CNOT2: variants seen among roughly 807,000 people sequenced by gnomAD.
CNOT2 encodes CCR4-NOT transcription complex subunit 2.
A neutral mutation model predicts 72.1 loss-of-function variants in CNOT2; 7 were observed. The observed-to-expected ratio is 0.10, with a 90% CI of 0.06 to 0.18. The LOEUF is 0.18. Ranked by LOEUF, CNOT2 falls within the 10% of genes least tolerant of loss-of-function variation. The probability of loss-of-function intolerance (pLI) is 1.00; values close to 1 mark genes in which losing one functional copy is unlikely to be tolerated. For missense variants in CNOT2, 345 were observed against 660.3 expected (o/e 0.52, Z 5.23); for synonymous variants, 196 against 225.6 (o/e 0.87, Z 1.17).
At chr12:70,285,806 TG>T (rs960580196) in intron 2 of CNOT2, among the ~76,000 whole-genome samples, 38 of 152,000 alleles carry the variant, frequency 2.5e-4, no homozygotes, top group African/African-American at 8.7e-4. Flanking sequence ...GACCTGAGAG[TG>T]GAGGCACCCA....
intron 7 of CNOT2, among the ~76,000 whole-genome samples, chr12:70,333,870 C>T (rs893206309): frequency 6.6e-6 from 1 of 151,872 alleles, no homozygotes; most frequent in Non-Finnish European, 1.5e-5. Context: ...TGAAATCAGG[C>T]TACATCTGCA....
intron 2 of CNOT2, chr12:70,285,704 A>G (rs1291268717): frequency 6.6e-6 from 1 of 152,152 alleles, no homozygotes; most frequent in African/African-American, 2.4e-5. Context: ...AAGTGTCCCC[A>G]TGAACCCCAA....
chr12:70,337,257 TGAAGTACGC>T, intron 8 of CNOT2, 123 bp from the exon 9 acceptor site: 1 of 622,176 alleles, frequency 1.6e-6, no homozygotes, highest in Non-Finnish European at 2.7e-6. Flanking sequence ...ACTAATTTTT[TGAAGTACGC>T]TTTCATAGCA....
intron 1 of CNOT2, among the ~76,000 whole-genome samples, chr12:70,261,337 C>T (rs1198340890): frequency 9.0e-5 from 5 of 55,684 alleles, no homozygotes; most frequent in African/African-American, 1.5e-4. Context: ...TTTTTTGAGA[C>T]GGAGTCTTGT....
chr12:70,314,251 T>C lies in CNOT2; in HGVS notation c.171+3234T>C, dbSNP rs143752551. Among the ~76,000 whole-genome samples the C allele has an allele frequency of 7.9e-5, 12 of 152,294 alleles. No individual in the cohort carries two copies. The East Asian group carries it at 2.3e-3, about 29-fold the overall frequency. Reference sequence around the variant, plus strand: ...TCTATTAGTTTTTGGTGATTGAGAATGTAAGCCCTGGAAATCCTACTATGT... The same window carrying C: ...TCTATTAGTTTTTGGTGATTGAGAACGTAAGCCCTGGAAATCCTACTATGT... On this transcript the variant is annotated intron_variant, in intron 3 of 15. Coordinates refer to ENST00000229195, the MANE Select transcript of CNOT2 (RefSeq NM_014515.7).
chr12:70,307,942 C>A (rs973200505), intron 2 of CNOT2: 3 of 151,644 alleles, frequency 2.0e-5, no homozygotes, highest in Non-Finnish European at 4.4e-5. Flanking sequence ...TAAGCTTCGC[C>A]TAAATCCTCT....
rs776536165 is a variant in CNOT2, at chr12:70,338,462, A to G, written c.920A>G (p.Lys307Arg). The change falls in exon 10 of 16, where the codon AAG becomes AGG. Residue 307 changes from lysine to arginine, a missense_variant. Physicochemically the swap from Lys to Arg is conservative, Grantham distance 26. Transcript: ENST00000229195. Reference protein sequence around the residue: ...DSKSNLNTSGKTTSSTDGPKF... With the variant: ...DSKSNLNTSGRTTSSTDGPKF... ...TGCTAGAATTTGAATACATCTGGCA[A>G]GACAACTTCAAGTACAGATGGACCC... 4 of 1,609,460 alleles carry G rather than the reference A, an allele frequency of 2.5e-6. No individual in the cohort carries two copies. Among genetic ancestry groups the G allele is most frequent in the Non-Finnish European group, 3.4e-6 (4 of 1,178,548 alleles).
chr12:70,253,725 A>G (rs1958269318), intron 1 of CNOT2, among the ~76,000 whole-genome samples: 1 of 152,178 alleles, frequency 6.6e-6, no homozygotes, highest in Non-Finnish European at 1.5e-5. Flanking sequence ...AGAGCATGTC[A>G]AAGTATCATG....
intron 2 of CNOT2, among the ~76,000 whole-genome samples, chr12:70,302,669 G>C (rs1254692363): frequency 6.6e-6 from 1 of 152,200 alleles, no homozygotes; most frequent in African/African-American, 2.4e-5. Context: ...GTGTGGTGTG[G>C]TGCTGAAAAG....
intron 8 of CNOT2, 75 bp downstream of exon 8, chr12:70,335,638 G>A (rs987513745): frequency 1.4e-5 from 15 of 1,073,910 alleles, no homozygotes; most frequent in South Asian, 2.7e-5. Flanking sequence ...TTACATGTAC[G>A]TATACATATG....
intron 2 of CNOT2, among the ~76,000 whole-genome samples, chr12:70,303,943 C>A (rs1179487199): frequency 6.6e-6 from 1 of 152,158 alleles, no homozygotes; most frequent in Non-Finnish European, 1.5e-5. Flanking sequence ...CTTCTCGCTG[C>A]ATTTCATTCA....
chr12:70,344,065 A>C (rs771758317), intron 13 of CNOT2, 63 bp from the exon 14 acceptor site: 4 of 1,080,358 alleles, frequency 3.7e-6, no homozygotes, highest in Non-Finnish European at 5.4e-6. Context: ...TAGTAGTAGC[A>C]ACTATATATT....
intron 1 of CNOT2, among the ~76,000 whole-genome samples, chr12:70,274,570 T>G (rs1445744118): frequency 2.0e-5 from 3 of 152,090 alleles, no homozygotes; most frequent in Non-Finnish European, 4.4e-5. Context: ...TGGGCATTGT[T>G]TAAATACTAT....
intron 1 of CNOT2, among the ~76,000 whole-genome samples, chr12:70,268,403 C>CT (rs1318516159): frequency 6.6e-6 from 1 of 151,956 alleles, no homozygotes; most frequent in African/African-American, 2.4e-5. Flanking sequence ...ACTATTGTGC[C>CT]TATGTGGTGG....
chr12:70,320,034 C>G (rs1180285666), intron 4 of CNOT2, among the ~76,000 whole-genome samples: 1 of 151,488 alleles, frequency 6.6e-6, no homozygotes, highest in Admixed American at 6.6e-5. Flanking sequence ...AATAAAATAT[C>G]TTTATATTTT....
chr12:70,308,555 T>TTC (rs3049213), intron 2 of CNOT2, among the ~76,000 whole-genome samples: 4,089 of 134,170 alleles, frequency 0.03, 89 homozygotes, highest in African/African-American at 0.059. Flanking sequence ...TTGGTATATT[T>TTC]TCTCTCTCTC....
chr12:70,286,325 A>T (rs1264798075), intron 2 of CNOT2, among the ~76,000 whole-genome samples: 1 of 146,910 alleles, frequency 6.8e-6, no homozygotes, highest in Non-Finnish European at 1.5e-5. Flanking sequence ...ATTTTTTTCC[A>T]TCTATTGAGG....
At chr12:70,300,999 T>A (rs1015147130) in intron 2 of CNOT2, among the ~76,000 whole-genome samples, 13 of 152,098 alleles carry the variant, frequency 8.5e-5, no homozygotes, top group South Asian at 4.1e-4. Flanking sequence ...ATGGGAGTTC[T>A]TTCATGATTT....
intron 1 of CNOT2, among the ~76,000 whole-genome samples, chr12:70,260,402 G>T (rs76353021): frequency 0.078 from 11,792 of 151,990 alleles, 571 homozygotes; most frequent in Admixed American, 0.15. Context: ...CTTCAGAAAT[G>T]GAGTTATTTT....
Sources: allele counts gnomAD v4.1 joint callset (sites outside exome capture counted in the v4.1 genomes callset), GRCh38; gene constraint gnomAD v4.1.1; transcripts MANE v1.5; gene names NCBI Gene and HGNC (gene_info 2026-07-23, HGNC 2026-07-21).